The following SLC22A24 variants were observed in gnomAD, a reference collection of about 807,000 sequenced individuals.
SLC22A24 encodes solute carrier family 22 member 24, also known as steroid transmembrane transporter SLC22A24.
Under a neutral mutation model 49.8 loss-of-function variants are expected in SLC22A24, and 53 were observed. The observed-to-expected ratio is 1.06, with a 90% CI of 0.85 to 1.34. SLC22A24 has a LOEUF of 1.34. SLC22A24 is among the 40% of genes most tolerant of loss of function. SLC22A24 has a pLI of 0.00. For synonymous variants in SLC22A24, 302 were observed against 256.4 expected, an observed-to-expected ratio of 1.18 and a Z score of -1.70; for missense variants, 786 against 675.9, an observed-to-expected ratio of 1.16 and a Z score of -1.81.
chr11:63,083,617 A>G (rs2086971914), intron 6 of SLC22A24, among the ~76,000 whole-genome samples, 160 bp from the exon 7 acceptor site: 1 of 152,212 alleles, frequency 6.6e-6, no homozygotes, highest in African/African-American at 2.4e-5. Flanking sequence ...TGTTTTATAG[A>G]CTATTTCCTT....
chr11:63,118,729 C>T, intron 4 of SLC22A24, 183 bp downstream of exon 4: 1 of 608,842 alleles, frequency 1.6e-6, no homozygotes, highest in Non-Finnish European at 2.9e-6. Flanking sequence ...TGCAAAGTGC[C>T]AGCCTCCCCA....
chr11:63,098,300 A>G (rs1277374417), intron 5 of SLC22A24, among the ~76,000 whole-genome samples: 1 of 152,168 alleles, frequency 6.6e-6, no homozygotes, highest in Non-Finnish European at 1.5e-5. Flanking sequence ...AACATACCAA[A>G]ACCTATGGGA....
At chr11:63,108,997 TC>T (rs1461426667) in intron 4 of SLC22A24, among the ~76,000 whole-genome samples, 13 of 82,832 alleles carry the variant, frequency 1.6e-4, no homozygotes, top group African/African-American at 6.4e-4. Flanking sequence ...CCCTCCCCCC[TC>T]CCCCCACCCC....
At chr11:63,131,232 A>T (rs967238105) in intron 2 of SLC22A24, among the ~76,000 whole-genome samples, 6 of 152,026 alleles carry the variant, frequency 3.9e-5, no homozygotes, top group African/African-American at 1.5e-4. Flanking sequence ...TCTTTATCCA[A>T]TTTGCCAGTC....
intron 1 of SLC22A24, among the ~76,000 whole-genome samples, chr11:63,138,107 C>G (rs369577312): frequency 6.6e-6 from 1 of 152,164 alleles, no homozygotes; most frequent in South Asian, 2.1e-4. Context: ...TTTAGGACCT[C>G]TATAAGCCTG....
Position 63,134,650 on chromosome 11 carries a change from T to G in SLC22A24, c.506+15A>C, listed in dbSNP as rs1345980204. On this transcript the variant is annotated intron_variant, in intron 2 of 9. Coordinates refer to ENST00000612278, the MANE Select transcript of SLC22A24 (RefSeq NM_001136506.2). ...ATCTGATAAACAGCCCCAAAGAAAGTGAGATGACACTCACCTGTCTGAAAG... is the reference window on the plus strand; with the variant it reads ...ATCTGATAAACAGCCCCAAAGAAAGGGAGATGACACTCACCTGTCTGAAAG... 1.4e-5 allele frequency: 20 copies of G among 1,418,528 alleles called. No individual in the cohort carries two copies. Among genetic ancestry groups the G allele is most frequent in the Non-Finnish European group, 1.7e-5 (17 of 1,027,232 alleles). 87.9% of individuals were successfully genotyped at this position (1,418,528 alleles called of 1,614,324 possible).
intron 6 of SLC22A24, among the ~76,000 whole-genome samples, chr11:63,088,886 G>C (rs2087002594): frequency 1.3e-5 from 2 of 151,978 alleles, no homozygotes; most frequent in Admixed American, 1.3e-4. Context: ...AAAAAAGAAT[G>C]AAAAGGAATG....
chr11:63,120,822 T>C (rs2087246690), intron 2 of SLC22A24, among the ~76,000 whole-genome samples: 1 of 152,162 alleles, frequency 6.6e-6, no homozygotes, highest in African/African-American at 2.4e-5. Context: ...TAGAATATAT[T>C]TTATTACTAA....
In SLC22A24 at chr11:63,143,827, A is replaced by G. The variant is rs2087434061; in HGVS notation, c.-48T>C. The G allele has an allele frequency of 7.7e-7, 1 of 1,301,574 alleles. No individual in the cohort carries two copies. Among genetic ancestry groups the G allele is most frequent in the Admixed American group, 3.9e-5 (1 of 25,926 alleles). The allele number at this position is 1,301,574 out of a possible 1,614,324, so 80.6% of individuals were successfully genotyped here. A position where few individuals can be genotyped will look rare whatever the true frequency, so the allele number is the denominator to read the frequency against. ...AAGAGGAAGCACAATGACTTTATGAAGAGAAGTTCAGAGGGAGAAAATGTC... is the reference window on the plus strand; with the variant it reads ...AAGAGGAAGCACAATGACTTTATGAGGAGAAGTTCAGAGGGAGAAAATGTC... On this transcript the variant is annotated 5_prime_UTR_variant, in exon 1 of 10. Coordinates refer to ENST00000612278, the MANE Select transcript of SLC22A24 (RefSeq NM_001136506.2).
At chr11:63,129,752 G>T (rs2087319995) in intron 2 of SLC22A24, among the ~76,000 whole-genome samples, 1 of 151,864 alleles carries the variant, frequency 6.6e-6, no homozygotes, top group African/African-American at 2.4e-5. Context: ...GTGGATGGGA[G>T]TTCACTCATG....
intron 2 of SLC22A24, among the ~76,000 whole-genome samples, chr11:63,124,140 C>A (rs2087271762): frequency 6.6e-6 from 1 of 152,076 alleles, no homozygotes; most frequent in South Asian, 2.1e-4. Context: ...TGATGGGAAC[C>A]AGCTTGATGT....
chr11:63,100,417 A>G (rs1282284710), intron 5 of SLC22A24, among the ~76,000 whole-genome samples: 2 of 152,178 alleles, frequency 1.3e-5, no homozygotes, highest in African/African-American at 4.8e-5. Flanking sequence ...GAAATCGAAG[A>G]GAACACACAA....
intron 4 of SLC22A24, among the ~76,000 whole-genome samples, chr11:63,108,733 G>C (rs1262164801): frequency 4.0e-5 from 6 of 151,342 alleles, no homozygotes; most frequent in Admixed American, 2.0e-4. Context: ...GGTGTTTATA[G>C]TATTCTCTGA....
rs1267115941 is a variant in SLC22A24, at chr11:63,113,111, TAC to T, written c.830+5799_830+5800del. ...ATATACATATATATATACATATATA[TAC>T]ACATATATATATACATATATATATA... is the stretch of plus-strand genomic sequence containing the variant. On this transcript the variant is annotated intron_variant, in intron 4 of 9. Coordinates refer to ENST00000612278, the MANE Select transcript of SLC22A24 (RefSeq NM_001136506.2). 3.8e-3 allele frequency among the ~76,000 whole-genome samples: 47 copies of T among 12,212 alleles called. 18 individuals are homozygous for T. Among genetic ancestry groups the T allele is most frequent in the African/African-American group, 7.3e-3 (47 of 6,464 alleles). 8.0% of individuals were successfully genotyped at this position (12,212 alleles called of 152,430 possible).
intron 6 of SLC22A24, among the ~76,000 whole-genome samples, chr11:63,089,516 G>A (rs2087005780): frequency 6.6e-6 from 1 of 152,002 alleles, no homozygotes; most frequent in Non-Finnish European, 1.5e-5. Flanking sequence ...ATCAACTAAT[G>A]GGCAAAATAA....
chr11:63,122,022 C>G (rs886471316), intron 2 of SLC22A24, among the ~76,000 whole-genome samples: 1 of 152,048 alleles, frequency 6.6e-6, no homozygotes, highest in Non-Finnish European at 1.5e-5. Flanking sequence ...TGAAAGAGGC[C>G]TTGCCCAAAT....
At chr11:63,090,387 C>T (rs1211646921) in intron 6 of SLC22A24, among the ~76,000 whole-genome samples, 2 of 152,030 alleles carry the variant, frequency 1.3e-5, no homozygotes, top group South Asian at 2.1e-4. Context: ...GAACTCTCCA[C>T]CCCAAATCAA....
At chr11:63,133,005 C>A (rs527739527) in intron 2 of SLC22A24, among the ~76,000 whole-genome samples, 4 of 152,168 alleles carry the variant, frequency 2.6e-5, no homozygotes, top group African/African-American at 9.6e-5. Flanking sequence ...GTGAGCTACT[C>A]AAGCCTCAGC....
intron 5 of SLC22A24, among the ~76,000 whole-genome samples, chr11:63,098,231 TAATGAATA>T (rs2087067751): frequency 6.6e-6 from 1 of 152,100 alleles, no homozygotes; most frequent in South Asian, 2.1e-4. Flanking sequence ...ACCAGTGGGT[TAATGAATA>T]AATGAAGACA....
Sources: gnomAD v4.1 joint callset for allele counts (sites outside exome capture counted in the v4.1 genomes callset) on GRCh38, gnomAD v4.1.1 for gene constraint, MANE v1.5 for transcripts, NCBI Gene and HGNC (gene_info 2026-07-23, HGNC 2026-07-21) for gene names.